LINGO1: variants seen among roughly 807,000 people sequenced by gnomAD.
LINGO1 encodes the protein leucine rich repeat and Ig domain containing 1.
In LINGO1, 11 loss-of-function variants were observed where a neutral mutation model predicts 37.3. The observed-to-expected ratio is 0.29, with a 90% CI of 0.19 to 0.49. LINGO1 has a LOEUF of 0.49. Ranked by LOEUF, LINGO1 falls within the 20% of genes least tolerant of loss-of-function variation. The pLI is 0.99. For missense variants in LINGO1, 585 were observed against 878.2 expected, an observed-to-expected ratio of 0.67 and a Z score of 4.22; for synonymous variants, 387 against 403.0, an observed-to-expected ratio of 0.96 and a Z score of 0.48.
intron 1 of LINGO1, among the ~76,000 whole-genome samples, chr15:77,796,711 CT>C (rs59535084): frequency 9.3e-4 from 132 of 142,668 alleles, no homozygotes; most frequent in South Asian, 3.9e-3. Flanking sequence ...CCTCTCCTGC[CT>C]TTTTTTTTTT....
At chr15:77,808,595 A>T (rs2076979022) in intron 1 of LINGO1, among the ~76,000 whole-genome samples, 1 of 152,164 alleles carries the variant, frequency 6.6e-6, no homozygotes, top group African/African-American at 2.4e-5. Context: ...TCCCAGCTGC[A>T]GCACAGACTC....
chr15:77,815,269 AGAGGCCCT>A (rs2077038112), intron 1 of LINGO1, among the ~76,000 whole-genome samples: 1 of 152,184 alleles, frequency 6.6e-6, no homozygotes, highest in African/African-American at 2.4e-5. Flanking sequence ...CGTCCTCTGC[AGAGGCCCT>A]GAGGCCCCGG....
intron 1 of LINGO1, chr15:77,785,197 CCACCAA>C (rs1221547426): frequency 2.6e-5 from 4 of 152,244 alleles, no homozygotes; most frequent in Non-Finnish European, 2.9e-5. Context: ...AGTGGGTGCT[CCACCAA>C]GGGTGAGCCT....
chr15:77,739,065 C>A (rs1438789301), intron 1 of LINGO1, among the ~76,000 whole-genome samples: 2 of 152,246 alleles, frequency 1.3e-5, no homozygotes, highest in Non-Finnish European at 2.9e-5. Context: ...GCCCCCACCC[C>A]AGGGAGTCTG....
At chr15:77,699,627 C>CCATCATCTGCACACAG (rs2075748659), upstream of LINGO1, among the ~76,000 whole-genome samples, 3 of 2,230 alleles carry the variant, frequency 1.3e-3, no homozygotes, top group African/African-American at 3.4e-3. Flanking sequence ...TCTGCACAAA[C>CCATCATCTGCACACAG]TAAACACATA....
At chr15:77,628,834 C>T (rs9920127) in intron 1 of LINGO1, among the ~76,000 whole-genome samples, 27,283 of 152,158 alleles carry the variant, frequency 0.18, 5,220 homozygotes, top group African/African-American at 0.48. Flanking sequence ...GCTGGGGACT[C>T]ACAGCAAGTC....
intron 3 of LINGO1, among the ~76,000 whole-genome samples, chr15:77,666,502 C>T (rs1246642649): frequency 6.6e-6 from 1 of 152,098 alleles, no homozygotes; most frequent in Non-Finnish European, 1.5e-5. Context: ...TCTGCCTGCC[C>T]TGGGGAGCAC....
intron 2 of LINGO1, among the ~76,000 whole-genome samples, chr15:77,718,804 G>A (rs1180539992): frequency 2.0e-5 from 3 of 150,856 alleles, no homozygotes; most frequent in East Asian, 2.1e-4. Context: ...ACACGGGCCC[G>A]AGCCCCCGAC....
At chr15:77,732,262 GCAA>G (rs753397177) in intron 2 of LINGO1, among the ~76,000 whole-genome samples, 80 of 152,202 alleles carry the variant, frequency 5.3e-4, no homozygotes, top group Non-Finnish European at 1.6e-4. Context: ...GGCAGAAAGA[GCAA>G]CGAGGCCTCC....
intron 2 of LINGO1, among the ~76,000 whole-genome samples, chr15:77,721,590 G>C (rs2076050541): frequency 6.6e-6 from 1 of 152,180 alleles, no homozygotes; most frequent in Non-Finnish European, 1.5e-5. Flanking sequence ...CGGTTTGATT[G>C]ACTGTGTTTT....
intron 3 of LINGO1, among the ~76,000 whole-genome samples, chr15:77,673,238 T>C (rs920226244): frequency 3.3e-5 from 5 of 152,088 alleles, no homozygotes; most frequent in African/African-American, 9.7e-5. Context: ...AAAGGAGTGA[T>C]AGACTTGAAC....
upstream of LINGO1, among the ~76,000 whole-genome samples, chr15:77,697,125 T>C (rs186343508): frequency 9.2e-5 from 14 of 152,280 alleles, no homozygotes; most frequent in East Asian, 1.9e-4. Context: ...GCCTGGGCAA[T>C]AGAGCCGGGG....
Position 77,692,899 on chromosome 15 carries a change from T to C in LINGO1, c.-280-1998A>G, listed in dbSNP as rs1485262551. On this transcript the variant is annotated intron_variant, in intron 1 of 3. Coordinates refer to the LINGO1 transcript ENST00000559893. Reference sequence around the variant, plus strand: ...GGTGGAGCAACGGAGGCCCAAAAGGTGAAAGACTTCACCAGAGGTCACACT... The same window carrying C: ...GGTGGAGCAACGGAGGCCCAAAAGGCGAAAGACTTCACCAGAGGTCACACT... Among the ~76,000 whole-genome samples, 4 of 152,092 alleles carry C rather than the reference T, an allele frequency of 2.6e-5. No homozygotes were observed. The East Asian group carries it at 7.7e-4, about 29-fold the overall frequency.
intron 1 of LINGO1, among the ~76,000 whole-genome samples, chr15:77,774,282 G>A (rs1039553298): frequency 3.3e-5 from 5 of 151,962 alleles, no homozygotes; most frequent in African/African-American, 1.2e-4. Context: ...TCGCCCAACT[G>A]CCAGATACCC....
chr15:77,709,633 G>A (rs1352361829), intron 2 of LINGO1, among the ~76,000 whole-genome samples: 1 of 152,234 alleles, frequency 6.6e-6, no homozygotes, highest in African/African-American at 2.4e-5. Flanking sequence ...GGCTGTTCCA[G>A]ACTGAAAGTG....
At chr15:77,767,118 T>G (rs1260332131) in intron 1 of LINGO1, among the ~76,000 whole-genome samples, 1 of 152,168 alleles carries the variant, frequency 6.6e-6, no homozygotes, top group Non-Finnish European at 1.5e-5. Flanking sequence ...AAACATGGAT[T>G]TCCAATTTGA....
At chr15:77,800,475 G>A (rs967347008) in intron 1 of LINGO1, among the ~76,000 whole-genome samples, 14 of 152,272 alleles carry the variant, frequency 9.2e-5, no homozygotes, top group Middle Eastern at 6.8e-3. Context: ...ATATGGAGCC[G>A]AAGATGGAGA....
intron 1 of LINGO1, among the ~76,000 whole-genome samples, chr15:77,750,216 G>A (rs573564014): frequency 9.2e-5 from 14 of 152,076 alleles, no homozygotes; most frequent in Admixed American, 5.2e-4. Context: ...CCCCAGGGTC[G>A]GGGGACACCT....
rs372581062 is a variant in LINGO1 at position 77,708,473 on chromosome 15, T to TC, written c.-194-17573dup. On this transcript the variant is annotated intron_variant, in intron 2 of 3. Transcript: ENST00000561686. ...AACGAAGGTACTAGGTTGAATAGTG[T>TC]CCCCCCAAATTCATGTCCATCTGGA... Among the ~76,000 whole-genome samples the TC allele has an allele frequency of 6.6e-3, 1,006 of 152,134 alleles. 10 individuals carry two copies. The highest frequency in any genetic ancestry group is 0.023 in the African/African-American group (968 of 41,494).
Sources: gnomAD v4.1 joint callset for allele counts (sites outside exome capture counted in the v4.1 genomes callset) on GRCh38, gnomAD v4.1.1 for gene constraint, MANE v1.5 for transcripts, NCBI Gene and HGNC (gene_info 2026-07-23, HGNC 2026-07-21) for gene names.